Variants in BTG4 observed in about 807,000 individuals in gnomAD.
BTG4 encodes protein BTG4.
A neutral mutation model predicts 19.3 loss-of-function variants in BTG4; 10 were observed. The observed-to-expected ratio is 0.52, with a 90% CI of 0.32 to 0.88. The LOEUF (loss-of-function observed/expected upper bound fraction) is 0.88. BTG4 is among the 40% of genes least tolerant of loss of function. The pLI is 0.04. For missense variants in BTG4, 238 were observed against 281.9 expected (o/e 0.84, Z 1.11); for synonymous variants, 91 against 95.7 (o/e 0.95, Z 0.29).
chr11:111,393,073 T>C, the BTG4 span, among the ~76,000 whole-genome samples: 2 of 152,144 alleles, frequency 1.3e-5, no homozygotes, highest in African/African-American at 4.8e-5. Context: ...TCACCTAGAT[T>C]CATGAACATA....
chr11:111,387,401 A>G, the BTG4 span, among the ~76,000 whole-genome samples: 2 of 152,248 alleles, frequency 1.3e-5, no homozygotes, highest in Admixed American at 6.5e-5. Flanking sequence ...ATAATTAGAC[A>G]TTGTGACTAG....
the BTG4 span, among the ~76,000 whole-genome samples, chr11:111,457,628 G>A: frequency 3.7e-4 from 57 of 152,032 alleles, no homozygotes; most frequent in African/African-American, 1.2e-3. Flanking sequence ...AGAGAAGCAA[G>A]GTACTTCTAT....
chr11:111,401,468 C>T, the BTG4 span, among the ~76,000 whole-genome samples: 3 of 142,204 alleles, frequency 2.1e-5, no homozygotes, highest in Admixed American at 7.5e-5. Flanking sequence ...GGAGACAGAG[C>T]GAGACTCCGT....
At chr11:111,401,307 A>AC in the BTG4 span, among the ~76,000 whole-genome samples, 2 of 148,616 alleles carry the variant, frequency 1.3e-5, no homozygotes, top group East Asian at 2.0e-4. Context: ...AATGGTGAAA[A>AC]CCCGTCTCTA....
the BTG4 span, among the ~76,000 whole-genome samples, chr11:111,386,714 G>T: frequency 6.6e-6 from 1 of 152,184 alleles, no homozygotes; most frequent in East Asian, 1.9e-4. Context: ...AAGATAAGTT[G>T]CTTTAGGTCC....
chr11:111,423,576 C>T, the BTG4 span, among the ~76,000 whole-genome samples: 3 of 152,190 alleles, frequency 2.0e-5, no homozygotes, highest in Non-Finnish European at 4.4e-5. Flanking sequence ...AGACACCTTG[C>T]CCACCCTTAC....
the BTG4 span, among the ~76,000 whole-genome samples, chr11:111,432,676 G>A: frequency 2.9e-3 from 440 of 152,192 alleles, 6 homozygotes; most frequent in East Asian, 1.4e-3. Flanking sequence ...ACAGACATGA[G>A]AGAAACTAGC....
At chr11:111,459,340 T>A in the BTG4 span, among the ~76,000 whole-genome samples, 1 of 152,156 alleles carries the variant, frequency 6.6e-6, no homozygotes, top group South Asian at 2.1e-4. Flanking sequence ...GAATGGCAGG[T>A]GCTCAAGAAC....
chr11:111,502,383 G>A (rs996246539), intron 1 of BTG4, among the ~76,000 whole-genome samples: 10 of 152,140 alleles, frequency 6.6e-5, no homozygotes, highest in African/African-American at 1.4e-4. Flanking sequence ...GATAGATACC[G>A]CCTTAGCTGT....
At chr11:111,453,577 G>T in the BTG4 span, 2 of 450,018 alleles carry the variant, frequency 4.4e-6, no homozygotes, top group Non-Finnish European at 9.0e-6. Context: ...GGTTGAGGGG[G>T]GTCCTGGTGA....
At chr11:111,512,617 G>A (rs910200545), upstream of BTG4, among the ~76,000 whole-genome samples, 6 of 152,180 alleles carry the variant, frequency 3.9e-5, no homozygotes, top group African/African-American at 2.4e-5. Context: ...GAAAAGCGAG[G>A]GGAACCTGAG....
intron 1 of BTG4, among the ~76,000 whole-genome samples, chr11:111,499,293 C>G (rs1865923071): frequency 1.3e-5 from 2 of 152,192 alleles, no homozygotes; most frequent in African/African-American, 4.8e-5. Flanking sequence ...GAAGACCAAC[C>G]GCACTATCCC....
the BTG4 span, among the ~76,000 whole-genome samples, chr11:111,438,786 G>A: frequency 4.6e-5 from 7 of 152,146 alleles, no homozygotes; most frequent in Non-Finnish European, 1.0e-4. Context: ...CAAAAGAGAG[G>A]ATGCTAAAGA....
chr11:111,407,401 T>C, the BTG4 span, among the ~76,000 whole-genome samples: 1 of 152,182 alleles, frequency 6.6e-6, no homozygotes, highest in Non-Finnish European at 1.5e-5. Context: ...CCGGGTGCGG[T>C]GGTTCCCGCC....
At chr11:111,454,782 G>A in the BTG4 span, among the ~76,000 whole-genome samples, 2 of 147,502 alleles carry the variant, frequency 1.4e-5, no homozygotes, top group African/African-American at 2.5e-5. Flanking sequence ...TGGCTGGGAC[G>A]AGCCAGTGTC....
At chr11:111,402,112 C>T in the BTG4 span, among the ~76,000 whole-genome samples, 18 of 152,164 alleles carry the variant, frequency 1.2e-4, no homozygotes, top group African/African-American at 3.6e-4. Context: ...AGGTTTTTCC[C>T]ATGCTGTCCT....
chr11:111,465,773 A>G (rs578093787), downstream of BTG4, among the ~76,000 whole-genome samples: 1 of 152,314 alleles, frequency 6.6e-6, no homozygotes, highest in East Asian at 1.9e-4. Context: ...CCAGAGAAGC[A>G]AGAGAAGGCT....
At chr11:111,453,127 G>A in the BTG4 span, among the ~76,000 whole-genome samples, 4 of 152,320 alleles carry the variant, frequency 2.6e-5, no homozygotes, top group Admixed American at 2.6e-4. Context: ...TCCAGGCCCT[G>A]CTAAGAAGTT....
upstream of BTG4, chr11:111,514,683 A>C: frequency 1.2e-6 from 1 of 861,226 alleles, no homozygotes; most frequent in Non-Finnish European, 1.7e-6. Context: ...AACCGAGGGC[A>C]GCCGGCAGGG....
Sources: allele counts gnomAD v4.1 joint callset (sites outside exome capture counted in the v4.1 genomes callset), GRCh38; gene constraint gnomAD v4.1.1; transcripts MANE v1.5; gene names NCBI Gene and HGNC (gene_info 2026-07-23, HGNC 2026-07-21).